Variants in MAN1C1 observed in about 807,000 individuals in gnomAD.
MAN1C1 encodes mannosidase alpha class 1C member 1.
Under a neutral mutation model 71.5 loss-of-function variants are expected in MAN1C1, and 49 were observed. The ratio of observed to expected loss-of-function variants is 0.69; its 90% CI spans 0.54 to 0.87. The LOEUF (loss-of-function observed/expected upper bound fraction) is 0.87, where lower values mean the gene tolerates loss of function less well. Among genes scored for constraint, MAN1C1 ranks in the 40% least tolerant of loss-of-function variants. MAN1C1 has a pLI of 0.00. For synonymous variants in MAN1C1, 352 were observed against 343.7 expected, an observed-to-expected ratio of 1.02 and a Z score of -0.27; for missense variants, 743 against 835.0, an observed-to-expected ratio of 0.89 and a Z score of 1.36.
chr1:25,738,588 T>C (rs2047014828), intron 2 of MAN1C1, among the ~76,000 whole-genome samples: 1 of 152,218 alleles, frequency 6.6e-6, no homozygotes, highest in African/African-American at 2.4e-5. Flanking sequence ...TGTGCAGTCA[T>C]GTATAGACCC....
chr1:25,740,682 C>T (rs1289181674), intron 2 of MAN1C1, among the ~76,000 whole-genome samples: 3 of 151,738 alleles, frequency 2.0e-5, no homozygotes, highest in South Asian at 2.1e-4. Flanking sequence ...GTGATCCACC[C>T]GCCTTGGCCT....
At chr1:25,655,695 C>T (rs1259080795) in intron 1 of MAN1C1, among the ~76,000 whole-genome samples, 3 of 152,134 alleles carry the variant, frequency 2.0e-5, no homozygotes, top group Non-Finnish European at 4.4e-5. Flanking sequence ...ATTAGGGGTA[C>T]TGACTTGCAA....
Position 25,732,996 on chromosome 1 carries a change from A to T in MAN1C1, c.638-13672A>T, listed in dbSNP as rs1395588473. 2.0e-5 allele frequency among the ~76,000 whole-genome samples: 3 copies of T among 152,130 alleles called. No homozygotes were observed. In the East Asian group the frequency reaches 5.8e-4, roughly 29 times the overall value. On this transcript the variant is annotated intron_variant, in intron 2 of 11. Transcript: ENST00000374332. ...AATGTATACCCAAGACAGCACTGCA[A>T]CCCTGTGTCCGTGGGCCTGGGAGGC... is the stretch of plus-strand genomic sequence containing the variant.
chr1:25,743,940 C>A (rs2047094339), intron 2 of MAN1C1, among the ~76,000 whole-genome samples: 1 of 152,222 alleles, frequency 6.6e-6, no homozygotes, highest in Admixed American at 6.5e-5. Flanking sequence ...AGCGGCCCTG[C>A]AATGCCTGAT....
At chr1:25,673,523 C>T (rs1271876510) in intron 1 of MAN1C1, among the ~76,000 whole-genome samples, 3 of 152,164 alleles carry the variant, frequency 2.0e-5, no homozygotes, top group African/African-American at 7.2e-5. Flanking sequence ...ATATGTAAAG[C>T]ACTGATGACT....
At chr1:25,761,499 C>T (rs2047358118) in intron 6 of MAN1C1, 1 of 152,040 alleles carries the variant, frequency 6.6e-6, no homozygotes, top group Non-Finnish European at 1.5e-5. Flanking sequence ...TTATGAACTA[C>T]AGTCATCATG....
chr1:25,731,340 T>C (rs76410250), intron 2 of MAN1C1, among the ~76,000 whole-genome samples: 1 of 121,900 alleles, frequency 8.2e-6, no homozygotes, highest in African/African-American at 4.1e-5. Context: ...ATCATCGTCA[T>C]CATCATCATC....
chr1:25,773,153 G>T (rs1323124106), intron 8 of MAN1C1, among the ~76,000 whole-genome samples: 1 of 152,164 alleles, frequency 6.6e-6, no homozygotes, highest in Non-Finnish European at 1.5e-5. Flanking sequence ...ACAGTGCCTG[G>T]CACATAGCAG....
Position 25,781,173 on chromosome 1 carries a change from G to C in MAN1C1, c.1650+61G>C, listed in dbSNP as rs2047688800. The C allele has an allele frequency of 4.4e-6, 7 of 1,574,684 alleles. No individual in the cohort carries two copies. The East Asian group carries it at 1.6e-4, about 35-fold the overall frequency. ...GATGCCCCTGAGAATTTACAGGCTG[G>C]GTGCTAGGTGCCCTGGCTTGGGCCT... On this transcript the variant is annotated intron_variant, in intron 10 of 11. Transcript: ENST00000374332.
intron 2 of MAN1C1, among the ~76,000 whole-genome samples, chr1:25,712,752 A>T (rs2046630444): frequency 6.6e-6 from 1 of 152,102 alleles, no homozygotes; most frequent in African/African-American, 2.4e-5. Flanking sequence ...CCCTGGGGTG[A>T]CTTTCAGCCT....
At chr1:25,756,559 TCTGAGACTCA>T (rs2047288940) in intron 5 of MAN1C1, among the ~76,000 whole-genome samples, 1 of 152,228 alleles carries the variant, frequency 6.6e-6, no homozygotes. Context: ...CAGGAAGCTC[TCTGAGACTCA>T]CTGAGATCAC....
intron 1 of MAN1C1, among the ~76,000 whole-genome samples, chr1:25,622,504 C>T (rs1423951486): frequency 6.6e-6 from 1 of 152,214 alleles, no homozygotes; most frequent in African/African-American, 2.4e-5. Context: ...GGTCTTCTCC[C>T]TTAGGGTACC....
At chr1:25,771,059 G>A (rs74334065) in intron 7 of MAN1C1, among the ~76,000 whole-genome samples, 2,567 of 152,302 alleles carry the variant, frequency 0.017, 54 homozygotes, top group Non-Finnish European at 0.024. Context: ...CTCCTTGGCT[G>A]GCCCACTGTC....
chr1:25,702,733 T>A (rs2046463440), intron 2 of MAN1C1, among the ~76,000 whole-genome samples: 1 of 152,210 alleles, frequency 6.6e-6, no homozygotes, highest in South Asian at 2.1e-4. Context: ...ATCCAATTAG[T>A]TAATACACTG....
At chr1:25,721,007 G>A (rs987452581) in intron 2 of MAN1C1, among the ~76,000 whole-genome samples, 2 of 152,218 alleles carry the variant, frequency 1.3e-5, no homozygotes, top group East Asian at 1.9e-4. Context: ...CTGGACTCTC[G>A]ATTTCATTGA....
intron 1 of MAN1C1, among the ~76,000 whole-genome samples, chr1:25,682,976 T>C (rs1188164257): frequency 6.6e-6 from 1 of 150,452 alleles, no homozygotes. Flanking sequence ...AGGCAGAGGT[T>C]GTGGTAAGCT....
At chr1:25,777,149 A>T (rs1291860456) in intron 8 of MAN1C1, among the ~76,000 whole-genome samples, 1 of 152,200 alleles carries the variant, frequency 6.6e-6, no homozygotes, top group Non-Finnish European at 1.5e-5. Flanking sequence ...GGTTCTAAGC[A>T]GGCAGATGAT....
Position 25,783,691 on chromosome 1 carries a change from G to T in MAN1C1, c.1795G>T (p.Asp599Tyr). Reference protein sequence around the residue: ...KYLYLLFSEDDLLSLEDWVFN... With the variant: ...KYLYLLFSEDYLLSLEDWVFN... ...TCTCTATCTTCTGTTCTCTGAAGAT[G>T]ACTTGCTCTCCCTGGAAGACTGGGT... The change falls in exon 12 of 12, where the codon GAC becomes TAC. Residue 599 changes from aspartate to tyrosine, a missense_variant. Transcript: ENST00000374332. The T allele has an allele frequency of 6.2e-7, 1 of 1,613,238 alleles. No homozygotes were observed. The highest frequency in any genetic ancestry group is 8.5e-7 in the Non-Finnish European group (1 of 1,179,996).
At chr1:25,777,430 G>A (rs2047633159) in intron 8 of MAN1C1, among the ~76,000 whole-genome samples, 1 of 152,102 alleles carries the variant, frequency 6.6e-6, no homozygotes, top group South Asian at 2.1e-4. Flanking sequence ...CCACCAAAAG[G>A]CATGGCCATC....
Sources: gnomAD v4.1 joint callset for allele counts (sites outside exome capture counted in the v4.1 genomes callset) on GRCh38, gnomAD v4.1.1 for gene constraint, MANE v1.5 for transcripts, NCBI Gene and HGNC (gene_info 2026-07-23, HGNC 2026-07-21) for gene names.